COL24A1: variants seen among roughly 807,000 people sequenced by gnomAD.
COL24A1 encodes collagen alpha-1(XXIV) chain.
A neutral mutation model predicts 253.9 loss-of-function variants in COL24A1; 224 were observed. The observed-to-expected ratio is 0.88, with a 90% confidence interval of 0.79 to 0.99. COL24A1 has a LOEUF of 0.99. COL24A1 is among the 50% of genes least tolerant of loss of function. The probability of loss-of-function intolerance (pLI) is 0.00; values close to 1 mark genes in which losing one functional copy is unlikely to be tolerated. For synonymous variants in COL24A1, 685 were observed against 673.7 expected, an observed-to-expected ratio of 1.02 and a Z score of -0.26; for missense variants, 2,131 against 2,068.5, an observed-to-expected ratio of 1.03 and a Z score of -0.59.
chr1:86,123,049 A>C (rs1647626068), intron 3 of COL24A1, among the ~76,000 whole-genome samples: 1 of 152,028 alleles, frequency 6.6e-6, no homozygotes, highest in South Asian at 2.1e-4. Flanking sequence ...GTGGGAAAGT[A>C]AATTAACTCT....
Position 85,730,636 on chromosome 1 carries a change from A to G in COL24A1, c.5055T>C (p.Asn1685=), listed in dbSNP as rs768386121. Reference sequence around the variant, plus strand: ...TTTGTACTTCAATCACTGGAAGTTGATTAGGTTCCTGGGTGTGAAAAAGAA... The same window carrying G: ...TTTGTACTTCAATCACTGGAAGTTGGTTAGGTTCCTGGGTGTGAAAAAGAA... ...ATFLFHTQEP[N]QLPVIEVQKL... The change falls in exon 60 of 60, where the codon AAT becomes AAC. Residue 1685 remains asparagine (N), a synonymous_variant. Transcript: ENST00000370571. 6.2e-6 allele frequency: 10 copies of G among 1,614,058 alleles called. No homozygotes were observed. In the Admixed American group the frequency reaches 1.0e-4, roughly 16 times the overall value.
intron 37 of COL24A1, among the ~76,000 whole-genome samples, chr1:85,861,758 C>T (rs1253079665): frequency 6.6e-5 from 10 of 152,198 alleles, no homozygotes; most frequent in African/African-American, 9.6e-5. Flanking sequence ...ATAACACTAA[C>T]CACACTTTGA....
intron 5 of COL24A1, among the ~76,000 whole-genome samples, chr1:86,112,083 CATATAT>C (rs1368995199): frequency 1.3e-5 from 2 of 152,140 alleles, no homozygotes; most frequent in Non-Finnish European, 2.9e-5. Context: ...TATGTACGCT[CATATAT>C]ATAGATTTTC....
intron 5 of COL24A1, among the ~76,000 whole-genome samples, chr1:86,110,733 G>T (rs1705477588): frequency 6.6e-6 from 1 of 152,108 alleles, no homozygotes; most frequent in South Asian, 2.1e-4. Context: ...CTGATGGCCC[G>T]CCCGTGCTGC....
intron 51 of COL24A1, among the ~76,000 whole-genome samples, 188 bp downstream of exon 51, chr1:85,783,308 T>C (rs1223850539): frequency 6.6e-6 from 1 of 151,888 alleles, no homozygotes; most frequent in East Asian, 1.9e-4. Flanking sequence ...GGGTGGTCTA[T>C]GAGGTATTTT....
chr1:85,901,640 A>C (rs1018501115), intron 28 of COL24A1, among the ~76,000 whole-genome samples: 1 of 151,692 alleles, frequency 6.6e-6, no homozygotes, highest in Non-Finnish European at 1.5e-5. Context: ...GTGAAACCCC[A>C]TCTCTACTAA....
At chr1:85,988,291 T>C (rs889346996) in intron 19 of COL24A1, among the ~76,000 whole-genome samples, 5 of 152,016 alleles carry the variant, frequency 3.3e-5, no homozygotes, top group African/African-American at 1.2e-4. Context: ...ATCTTTGACC[T>C]GTGTTTACTT....
chr1:85,988,756 T>C (rs902861520), intron 19 of COL24A1, among the ~76,000 whole-genome samples: 4 of 152,110 alleles, frequency 2.6e-5, no homozygotes, highest in Non-Finnish European at 2.9e-5. Flanking sequence ...GGATATTCAT[T>C]CTGGAAAGAA....
At chr1:85,830,344 T>C (rs1446528639) in intron 43 of COL24A1, among the ~76,000 whole-genome samples, 9 of 152,118 alleles carry the variant, frequency 5.9e-5, no homozygotes, top group African/African-American at 1.7e-4. Flanking sequence ...GACAGGGACA[T>C]TTAAGTCTGC....
chr1:85,877,277 G>A lies in COL24A1; in HGVS notation c.2977-102C>T, dbSNP rs144359786. On this transcript the variant is annotated intron_variant, in intron 32 of 59. Coordinates refer to ENST00000370571, the MANE Select transcript of COL24A1 (RefSeq NM_152890.7). ...TTTTATAATATAACACATAACACAT[G>A]ATTATGTAAATACATAATACATTTA... The A allele has an allele frequency of 1.5e-3, 1,064 of 725,072 alleles. 9 individuals are homozygous for A. The African/African-American group carries it at 0.018, about 12-fold the overall frequency. 44.9% of individuals were successfully genotyped at this position (725,072 alleles called of 1,614,324 possible). A position where few individuals can be genotyped will look rare whatever the true frequency, so the allele number is the denominator to read the frequency against.
intron 19 of COL24A1, among the ~76,000 whole-genome samples, chr1:85,997,060 T>C (rs1229269315): frequency 2.6e-5 from 2 of 78,258 alleles, no homozygotes; most frequent in African/African-American, 1.3e-4. Context: ...TGTGTGTATA[T>C]ATATATATAT....
chr1:85,846,662 T>C (rs1263358296), intron 39 of COL24A1, among the ~76,000 whole-genome samples: 1 of 151,956 alleles, frequency 6.6e-6, no homozygotes, highest in South Asian at 2.1e-4. Context: ...ACTTATCAGA[T>C]TGGCAAACAT....
At position 86,046,858 on chromosome 1, in the gene COL24A1, C is replaced by A; in HGVS notation, c.1917G>T (p.Gly639=). Residue 639 remains glycine, a synonymous_variant, in exon 12 of 60, where the codon GGG becomes GGT. Transcript: ENST00000370571. ...CCTTAAAACCCTTCTTTCCACGGAT[C>A]CCAGGAATGCCCTAGAATATAGAAA... is the stretch of plus-strand genomic sequence containing the variant. ...LGPEGERGIP[G]IRGKKGFKGR... is the part of the protein sequence containing the mutation. 1.3e-6 allele frequency: 2 copies of A among 1,531,766 alleles called. No homozygotes were observed. The highest frequency in any genetic ancestry group is 2.2e-5 in the South Asian group (2 of 89,292). The allele number at this position is 1,531,766 out of a possible 1,614,324, so 94.9% of individuals were successfully genotyped here. A position where few individuals can be genotyped will look rare whatever the true frequency, so the allele number is the denominator to read the frequency against.
chr1:86,052,492 A>G (rs1257401650), intron 10 of COL24A1, among the ~76,000 whole-genome samples: 2 of 152,236 alleles, frequency 1.3e-5, no homozygotes, highest in African/African-American at 4.8e-5. Flanking sequence ...AAAAGGACAG[A>G]TAGTGTATGA....
At chr1:86,151,078 A>G (rs1557837753) in intron 1 of COL24A1, among the ~76,000 whole-genome samples, 1 of 151,992 alleles carries the variant, frequency 6.6e-6, no homozygotes, top group Non-Finnish European at 1.5e-5. Context: ...ATATATATAA[A>G]GGGTTTGTAT....
At chr1:85,774,198 C>A (rs1668283272) in intron 53 of COL24A1, among the ~76,000 whole-genome samples, 1 of 152,136 alleles carries the variant, frequency 6.6e-6, no homozygotes, top group Admixed American at 6.6e-5. Flanking sequence ...GTTGAACGAG[C>A]CTTGCATCCC....
chr1:85,988,385 A>C (rs1693927336), intron 19 of COL24A1, among the ~76,000 whole-genome samples: 1 of 152,046 alleles, frequency 6.6e-6, no homozygotes, highest in South Asian at 2.1e-4. Context: ...ATGAAAAAGA[A>C]ATAGAAATGG....
chr1:85,891,217 AT>A (rs138122213), intron 31 of COL24A1, among the ~76,000 whole-genome samples: 29,909 of 127,022 alleles, frequency 0.24, 3,212 homozygotes, highest in East Asian at 0.32. Flanking sequence ...CGCCCGGCTA[AT>A]TTTTTTTTTT....
At chr1:86,105,745 G>C (rs1479681164) in intron 5 of COL24A1, among the ~76,000 whole-genome samples, 1 of 152,176 alleles carries the variant, frequency 6.6e-6, no homozygotes, top group African/African-American at 2.4e-5. Context: ...CGCTCTCCCT[G>C]TCAATGAAGT....
Sources: allele counts gnomAD v4.1 joint callset (sites outside exome capture counted in the v4.1 genomes callset), GRCh38; gene constraint gnomAD v4.1.1; transcripts MANE v1.5; gene names NCBI Gene and HGNC (gene_info 2026-07-23, HGNC 2026-07-21).